Variants in MFHAS1 observed in about 807,000 individuals in gnomAD.
MFHAS1 encodes the protein malignant fibrous histiocytoma-amplified sequence 1.
Under a neutral mutation model 70.4 loss-of-function variants are expected in MFHAS1, and 50 were observed. That is an observed-to-expected ratio of 0.71 (90% confidence interval 0.57 to 0.90). MFHAS1 has a LOEUF of 0.90. Among genes scored for constraint, MFHAS1 ranks in the 40% least tolerant of loss-of-function variants. The pLI, the probability that MFHAS1 is intolerant of heterozygous loss-of-function variation, is 0.00. For missense variants in MFHAS1, 1,795 were observed against 1,347.6 expected (o/e 1.33, Z -5.20); for synonymous variants, 952 against 620.0 (o/e 1.54, Z -7.96).
At chr8:8,839,901 C>T (rs571515708) in intron 1 of MFHAS1, among the ~76,000 whole-genome samples, 3 of 151,768 alleles carry the variant, frequency 2.0e-5, no homozygotes, top group Non-Finnish European at 4.4e-5. Context: ...TGAGTATTTC[C>T]AGAGCTTTAA....
intron 2 of MFHAS1, among the ~76,000 whole-genome samples, chr8:8,797,089 T>C (rs1805929354): frequency 6.6e-6 from 1 of 150,972 alleles, no homozygotes; most frequent in African/African-American, 2.4e-5. Flanking sequence ...AAGTGAACTG[T>C]GGTATGTGAA....
At chr8:8,795,680 G>C (rs996759880) in intron 2 of MFHAS1, among the ~76,000 whole-genome samples, 6 of 152,242 alleles carry the variant, frequency 3.9e-5, no homozygotes, top group African/African-American at 1.4e-4. Context: ...TAATGAGTAA[G>C]AATGCCACTG....
chr8:8,892,397 T>C lies in MFHAS1; in HGVS notation c.662A>G (p.Glu221Gly). ...GAGGGCACGCAGGGCACTGATATCC[T>C]CAGGCAGGCCCCGCAGCCGGTTGCT... is the stretch of plus-strand genomic sequence containing the variant. The part of the protein sequence containing the change: ...VSSNRLRGLP[E>G]DISALRALKI... Residue 221 changes from glutamate (E) to glycine (G), a missense_variant, in exon 1 of 3, where the codon GAG (glutamate) becomes GGG (glycine). Coordinates refer to ENST00000276282, the MANE Select transcript of MFHAS1 (RefSeq NM_004225.3). The surrounding 1 kb of genome is among the most constrained non-coding windows in gnomAD (Gnocchi z 4.7). The C allele has an allele frequency of 6.2e-7, 1 of 1,612,694 alleles. No homozygotes were observed. The highest frequency in any genetic ancestry group is 8.5e-7 in the Non-Finnish European group (1 of 1,179,802).
At chr8:8,829,492 C>A (rs559763451) in intron 1 of MFHAS1, among the ~76,000 whole-genome samples, 1 of 152,168 alleles carries the variant, frequency 6.6e-6, no homozygotes, top group Admixed American at 6.5e-5. Context: ...ACCAGCCTGG[C>A]CAACATGGTG....
intron 1 of MFHAS1, among the ~76,000 whole-genome samples, chr8:8,813,917 C>T (rs903072870): frequency 1.6e-4 from 24 of 151,758 alleles, no homozygotes; most frequent in African/African-American, 5.6e-4. Flanking sequence ...GTGCCCTACA[C>T]AGGTGTATAC....
intron 1 of MFHAS1, among the ~76,000 whole-genome samples, chr8:8,820,426 C>G (rs1464006622): frequency 6.6e-6 from 1 of 152,172 alleles, no homozygotes; most frequent in Non-Finnish European, 1.5e-5. Context: ...CTGCAACATT[C>G]TCTTCTTTCA....
intron 2 of MFHAS1, among the ~76,000 whole-genome samples, chr8:8,793,599 G>A (rs1167882984): frequency 6.6e-6 from 1 of 152,212 alleles, no homozygotes; most frequent in Non-Finnish European, 1.5e-5. Context: ...ATCCTCTCCT[G>A]ATTTGAACAG....
Position 8,893,117 on chromosome 8 carries a change from G to T in MFHAS1, c.-59C>A. On this transcript the variant is annotated 5_prime_UTR_variant, in exon 1 of 3. Coordinates refer to ENST00000276282, the MANE Select transcript of MFHAS1 (RefSeq NM_004225.3). ...GCGGGAGCCCGCAGCTACATGCCGC[G>T]CCGCGCCCCGGGCCCTCCGGCTCCT... The T allele has an allele frequency of 1.6e-6, 2 of 1,262,304 alleles. No homozygotes were observed. The highest frequency in any genetic ancestry group is 2.1e-6 in the Non-Finnish European group (2 of 972,570). 78.2% of individuals were successfully genotyped at this position (1,262,304 alleles called of 1,614,324 possible).
chr8:8,889,532 T>G (rs1317512482), intron 1 of MFHAS1, among the ~76,000 whole-genome samples: 1 of 152,268 alleles, frequency 6.6e-6, no homozygotes, highest in Non-Finnish European at 1.5e-5. Flanking sequence ...TTTTACAATC[T>G]GATTTCTATG....
At chr8:8,857,890 T>C (rs774932144) in intron 1 of MFHAS1, among the ~76,000 whole-genome samples, 4 of 152,242 alleles carry the variant, frequency 2.6e-5, no homozygotes, top group Non-Finnish European at 4.4e-5. Context: ...AAATTCCATA[T>C]GCTGACTGCC....
At chr8:8,856,962 C>T (rs1273991524) in intron 1 of MFHAS1, among the ~76,000 whole-genome samples, 1 of 113,282 alleles carries the variant, frequency 8.8e-6, no homozygotes, top group Non-Finnish European at 1.7e-5. Context: ...AAACCTGACA[C>T]TTTCACATCA....
intron 1 of MFHAS1, among the ~76,000 whole-genome samples, chr8:8,827,648 T>C (rs575114601): frequency 6.6e-6 from 1 of 152,344 alleles, no homozygotes; most frequent in East Asian, 1.9e-4. Flanking sequence ...GCTGCAAATA[T>C]TTTTCTCCAA....
At chr8:8,877,438 G>T (rs1433900180) in intron 1 of MFHAS1, among the ~76,000 whole-genome samples, 4 of 151,942 alleles carry the variant, frequency 2.6e-5, no homozygotes, top group Non-Finnish European at 5.9e-5. Context: ...ACAATAAAAT[G>T]GTAATTGTGT....
chr8:8,852,003 C>T (rs1421477709), intron 1 of MFHAS1, among the ~76,000 whole-genome samples: 1 of 152,132 alleles, frequency 6.6e-6, no homozygotes, highest in Admixed American at 6.5e-5. Context: ...TCAGGAACAG[C>T]GATGCCAAGC....
intron 1 of MFHAS1, among the ~76,000 whole-genome samples, chr8:8,820,544 A>C (rs930114526): frequency 6.6e-6 from 1 of 152,124 alleles, no homozygotes; most frequent in African/African-American, 2.4e-5. Flanking sequence ...GTGCTCACCC[A>C]AACAATTTTA....
At position 8,784,825 on chromosome 8, in the gene MFHAS1, G is replaced by C. The variant is rs1256060927; in HGVS notation, c.*1197C>G. ...GTTTGGCCCAATTAAAAGTAGAATG[G>C]AGAGCAATTTGTTTGGTTGGCTTTT... On this transcript the variant is annotated 3_prime_UTR_variant, in exon 3 of 3. Transcript: ENST00000276282. 1.3e-5 allele frequency: 2 copies of C among 152,184 alleles called. No homozygotes were observed. Among genetic ancestry groups the C allele is most frequent in the Non-Finnish European group, 2.9e-5 (2 of 68,040 alleles). The allele number at this position is 152,184 out of a possible 1,614,324, so 9.4% of individuals were successfully genotyped here. A position where few individuals can be genotyped will look rare whatever the true frequency, so the allele number is the denominator to read the frequency against.
chr8:8,814,561 A>G (rs1346994581), intron 1 of MFHAS1, among the ~76,000 whole-genome samples: 2 of 152,264 alleles, frequency 1.3e-5, no homozygotes, highest in Non-Finnish European at 2.9e-5. Flanking sequence ...GAAAGTTAAA[A>G]AAGTTAAGCT....
intron 1 of MFHAS1, among the ~76,000 whole-genome samples, chr8:8,808,726 C>T (rs1249582130): frequency 6.6e-6 from 1 of 152,230 alleles, no homozygotes; most frequent in Non-Finnish European, 1.5e-5. Context: ...AAAGACATTA[C>T]ATTTGTGGGC....
intron 1 of MFHAS1, among the ~76,000 whole-genome samples, chr8:8,802,983 C>G (rs1015521300): frequency 3.3e-5 from 5 of 152,176 alleles, no homozygotes; most frequent in Non-Finnish European, 7.3e-5. Flanking sequence ...AACAATCTTC[C>G]TGCATAGCCA....
Sources: gnomAD v4.1 joint callset for allele counts (sites outside exome capture counted in the v4.1 genomes callset) on GRCh38, gnomAD v4.1.1 for gene constraint, Gnocchi (gnomAD v3.1) non-coding constraint, MANE v1.5 for transcripts, NCBI Gene and HGNC (gene_info 2026-07-23, HGNC 2026-07-21) for gene names.